Variants in LIN37 observed in about 807,000 individuals in gnomAD.
LIN37 encodes the protein lin-37 DREAM MuvB core complex component.
LIN37 carries 21 observed loss-of-function variants against 38.0 expected under a neutral mutation model. The observed-to-expected ratio is 0.55, with a 90% CI of 0.39 to 0.80. The LOEUF (loss-of-function observed/expected upper bound fraction) is 0.80, where lower values mean the gene tolerates loss of function less well. LIN37 is among the 30% of genes least tolerant of loss of function. The pLI, the probability that LIN37 is intolerant of heterozygous loss-of-function variation, is 0.00. For missense variants in LIN37, 273 were observed against 338.5 expected, an observed-to-expected ratio of 0.81 and a Z score of 1.52; for synonymous variants, 126 against 122.9, an observed-to-expected ratio of 1.03 and a Z score of -0.17.
chr19:35,751,065 G>A (rs1233837818), intron 1 of LIN37, among the ~76,000 whole-genome samples: 1 of 152,056 alleles, frequency 6.6e-6, no homozygotes, highest in African/African-American at 2.4e-5. Context: ...GGTGGCTCAC[G>A]CCTGTAAGCA....
chr19:35,752,933 C>G lies in LIN37; in HGVS notation c.211C>G (p.His71Asp). The change falls in exon 5 of 9, where the codon CAC (histidine) becomes GAC (aspartate). Residue 71 changes from histidine (H) to aspartate (D), a missense_variant. Physicochemically the swap from His to Asp is moderately conservative, Grantham distance 81. Coordinates refer to ENST00000301159, the MANE Select transcript of LIN37 (RefSeq NM_019104.3). ...TGKRPSARFP[H>D]QRRKKRREMD... ...ACGCAGGCCATCTGCCCGCTTCCCCCACCAGCGGAGGAAGAAGAGGAGGGA... is the reference window on the plus strand; with the variant it reads ...ACGCAGGCCATCTGCCCGCTTCCCCGACCAGCGGAGGAAGAAGAGGAGGGA... 1 of 1,574,352 alleles carries G rather than the reference C, an allele frequency of 6.4e-7. No homozygotes were observed. The highest frequency in any genetic ancestry group is 8.6e-7 in the Non-Finnish European group (1 of 1,159,590).
chr19:35,750,903 G>T (rs553391430), intron 1 of LIN37, among the ~76,000 whole-genome samples: 3 of 152,168 alleles, frequency 2.0e-5, no homozygotes, highest in Admixed American at 2.0e-4. Flanking sequence ...AGAGGTTGCA[G>T]TGAGCCGAGA....
chr19:35,752,921 G>T lies in LIN37; in HGVS notation c.199G>T (p.Ala67Ser). The change falls in exon 5 of 9, where the codon GCC becomes TCC. Residue 67 changes from alanine (A) to serine (S), a missense_variant. By Grantham distance (99) the Ala-to-Ser change is moderately conservative. Coordinates refer to ENST00000301159, the MANE Select transcript of LIN37 (RefSeq NM_019104.3). The part of the protein sequence containing the change: ...SIAATGKRPS[A>S]RFPHQRRKKR... ...CTCCCTCTCCCTACGCAGGCCATCT[G>T]CCCGCTTCCCCCACCAGCGGAGGAA... 1 of 1,576,006 alleles carries T rather than the reference G, an allele frequency of 6.3e-7. No homozygotes were observed. Among genetic ancestry groups the T allele is most frequent in the Non-Finnish European group, 8.6e-7 (1 of 1,160,668 alleles).
At chr19:35,753,869 T>A (rs1970714722) in intron 6 of LIN37, 148 bp from the exon 7 acceptor site, 1 of 855,436 alleles carries the variant, frequency 1.2e-6, no homozygotes, top group African/African-American at 1.7e-5. Flanking sequence ...GGTTGAGGTG[T>A]CTGCCCTTCA....
chr19:35,753,304 G>A (rs1970707824), intron 6 of LIN37, 51 bp downstream of exon 6: 2 of 1,532,676 alleles, frequency 1.3e-6, no homozygotes, highest in East Asian at 4.9e-5. Context: ...AGGGCAGTGG[G>A]TGGATAGGCT....
At chr19:35,752,113 A>G (rs1014924343) in intron 1 of LIN37, 63 bp from the exon 2 acceptor site, 47 of 1,312,516 alleles carry the variant, frequency 3.6e-5, no homozygotes, top group Non-Finnish European at 4.9e-5. Context: ...TCCCTGGCCC[A>G]GTCAGCTGCC....
intron 6 of LIN37, 124 bp from the exon 7 acceptor site, chr19:35,753,889 CCTGT>C (rs1290223990): frequency 1.9e-5 from 20 of 1,075,270 alleles, no homozygotes; most frequent in Non-Finnish European, 2.7e-5. Flanking sequence ...ATACATGCCT[CCTGT>C]CTGAGTCCCT....
At position 35,752,171 on chromosome 19, in the gene LIN37, C is replaced by G; in HGVS notation, c.35-5C>G. On this transcript the variant is annotated splice_region_variant and splice_polypyrimidine_tract_variant and intron_variant, in intron 1 of 8. Coordinates refer to ENST00000301159, the MANE Select transcript of LIN37 (RefSeq NM_019104.3). Reference sequence around the variant, plus strand: ...TGACTCCTGCTGGGTCCTCTCTTGCCCCAGAGCTGGAGATGGCCAAAGCCC... The same window carrying G: ...TGACTCCTGCTGGGTCCTCTCTTGCGCCAGAGCTGGAGATGGCCAAAGCCC... 1 of 1,592,768 alleles carries G rather than the reference C, an allele frequency of 6.3e-7. No individual in the cohort carries two copies. The highest frequency in any genetic ancestry group is 1.1e-5 in the South Asian group (1 of 87,352).
In LIN37 at chr19:35,752,189, C is replaced by G; in HGVS notation, c.48C>G (p.Ala16=). ...VKVEKSELEM[A]KARNQLDAVL... ...CTCTTGCCCCAGAGCTGGAGATGGC[C>G]AAAGCCCGGAACCAACTGGATGCTG... is the stretch of plus-strand genomic sequence containing the variant. Residue 16 remains alanine, a synonymous_variant, in exon 2 of 9, where the codon GCC becomes GCG. Coordinates refer to ENST00000301159, the MANE Select transcript of LIN37 (RefSeq NM_019104.3). 8 of 1,602,216 alleles carry G rather than the reference C, an allele frequency of 5.0e-6. No homozygotes were observed. Among genetic ancestry groups the G allele is most frequent in the Non-Finnish European group, 6.8e-6 (8 of 1,174,606 alleles).
chr19:35,748,947 T>C, intron 1 of LIN37, 189 bp downstream of exon 1: 6 of 1,471,910 alleles, frequency 4.1e-6, no homozygotes, highest in Non-Finnish European at 5.4e-6. Context: ...TGAAGTCGCT[T>C]TGAGATTGAA....
At chr19:35,749,759 C>T (rs1208140387) in intron 1 of LIN37, among the ~76,000 whole-genome samples, 3 of 146,502 alleles carry the variant, frequency 2.0e-5, no homozygotes, top group Admixed American at 2.0e-4. Context: ...GAGCTGAGAT[C>T]ACACCACTGC....
At position 35,752,908 on chromosome 19, in the gene LIN37, A is replaced by G. The variant is rs1459008454; in HGVS notation, c.192-6A>G. 6.3e-7 allele frequency: 1 copy of G among 1,580,258 alleles called. No individual in the cohort carries two copies. The highest frequency in any genetic ancestry group is 2.3e-5 in the East Asian group (1 of 42,788). ...CCCAGTCCTGACACTCCCTCTCCCT[A>G]CGCAGGCCATCTGCCCGCTTCCCCC... On this transcript the variant is annotated splice_region_variant and splice_polypyrimidine_tract_variant and intron_variant, in intron 4 of 8. Coordinates refer to ENST00000301159, the MANE Select transcript of LIN37 (RefSeq NM_019104.3).
intron 3 of LIN37, 153 bp downstream of exon 3, chr19:35,752,637 C>T (rs2146526907): frequency 1.6e-6 from 2 of 1,246,394 alleles, no homozygotes; most frequent in South Asian, 1.3e-5. Context: ...AGCTTAGGTC[C>T]CCCCGTGGTT....
rs187127641 is a variant in LIN37, at chr19:35,748,578, G to A, written c.-147G>A. 6.9e-5 allele frequency: 73 copies of A among 1,058,652 alleles called. No individual in the cohort carries two copies. The African/African-American group carries it at 1.1e-3, about 15-fold the overall frequency. The allele number at this position is 1,058,652 out of a possible 1,614,324, so 65.6% of individuals were successfully genotyped here. ...CCGCCCACAGAAGGGTGGTGGCCAC[G>A]GTCCAGGCTGGACACAACCAAAGGC... On this transcript the variant is annotated 5_prime_UTR_variant, in exon 1 of 9. Transcript: ENST00000301159.
intron 1 of LIN37, among the ~76,000 whole-genome samples, chr19:35,749,633 A>C (rs938823737): frequency 6.3e-5 from 8 of 126,324 alleles, no homozygotes; most frequent in African/African-American, 2.9e-4. Flanking sequence ...GTCTCTATAA[A>C]AAATACAAAA....
intron 6 of LIN37, 140 bp downstream of exon 6, chr19:35,753,393 A>C: frequency 1.0e-6 from 1 of 1,002,162 alleles, no homozygotes; most frequent in Non-Finnish European, 1.5e-6. Flanking sequence ...CTAGGCACAC[A>C]GATGTGCACT....
chr19:35,751,540 C>G (rs1484897744), intron 1 of LIN37, among the ~76,000 whole-genome samples: 4 of 152,020 alleles, frequency 2.6e-5, no homozygotes, highest in African/African-American at 9.7e-5. Context: ...GAATAAAAAT[C>G]ATATCTATCT....
chr19:35,749,734 G>C (rs1970655292), intron 1 of LIN37, among the ~76,000 whole-genome samples: 2 of 151,574 alleles, frequency 1.3e-5, no homozygotes, highest in Non-Finnish European at 2.9e-5. Flanking sequence ...GAGCCGGGGA[G>C]GCGGAGGTTG....
intron 1 of LIN37, among the ~76,000 whole-genome samples, chr19:35,750,638 A>G (rs1970668756): frequency 6.6e-6 from 1 of 152,186 alleles, no homozygotes; most frequent in African/African-American, 2.4e-5. Flanking sequence ...GAGGGGGAAA[A>G]AAAAGCCCAA....
Sources: gnomAD v4.1 joint callset for allele counts (sites outside exome capture counted in the v4.1 genomes callset) on GRCh38, gnomAD v4.1.1 for gene constraint, MANE v1.5 for transcripts, NCBI Gene and HGNC (gene_info 2026-07-23, HGNC 2026-07-21) for gene names.